CCDC178: variants seen among roughly 807,000 people sequenced by gnomAD.
CCDC178 encodes the protein coiled-coil domain-containing protein 178.
CCDC178 carries 126 observed loss-of-function variants against 117.4 expected under a neutral mutation model. The observed-to-expected ratio is 1.07, with a 90% CI of 0.93 to 1.24. The LOEUF (loss-of-function observed/expected upper bound fraction) is 1.24. Among genes scored for constraint, CCDC178 ranks in the 50% most tolerant of loss-of-function variants. CCDC178 has a pLI of 0.00. For missense variants in CCDC178, 1,030 were observed against 986.9 expected (o/e 1.04, Z -0.59); for synonymous variants, 283 against 313.4 (o/e 0.90, Z 1.02).
intron 21 of CCDC178, among the ~76,000 whole-genome samples, chr18:32,993,060 C>A (rs548743305): frequency 6.6e-6 from 1 of 151,958 alleles, no homozygotes; most frequent in South Asian, 2.1e-4. Flanking sequence ...CAGCTACTCT[C>A]GAGGCTGAGT....
intron 3 of CCDC178, among the ~76,000 whole-genome samples, chr18:33,397,674 G>T (rs189016163): frequency 1.3e-5 from 2 of 152,042 alleles, no homozygotes; most frequent in Non-Finnish European, 2.9e-5. Context: ...ATTTACGCAC[G>T]TCATAACTGC....
intron 7 of CCDC178, among the ~76,000 whole-genome samples, chr18:33,353,332 G>T (rs1352934720): frequency 1.3e-5 from 2 of 152,008 alleles, no homozygotes; most frequent in Non-Finnish European, 1.5e-5. Context: ...AGAATAGTTG[G>T]ATTATCTATT....
At chr18:33,037,360 A>C (rs2056464096) in intron 21 of CCDC178, among the ~76,000 whole-genome samples, 1 of 151,890 alleles carries the variant, frequency 6.6e-6, no homozygotes, top group African/African-American at 2.4e-5. Context: ...TTTTCCAGGA[A>C]TTTTCTCCAC....
chr18:32,978,203 A>ATTTTTTTTTTTTTTTTTTTTTTT lies in CCDC178; in HGVS notation c.2389-3545_2389-3523dup, dbSNP rs34863142. On this transcript the variant is annotated intron_variant, in intron 21 of 22. Coordinates refer to ENST00000383096, the MANE Select transcript of CCDC178 (RefSeq NM_001105528.4). The stretch of plus-strand genomic sequence containing the variant: ...AAGAAAGAGTAATATCTCAAAAAAG[A>ATTTTTTTTTTTTTTTTTTTTTTT]TTTTTTTTTTTTTTTTTTTTTTTTG... Among the ~76,000 whole-genome samples, 3 of 90,022 alleles carry ATTTTTTTTTTTTTTTTTTTTTTT rather than the reference A, an allele frequency of 3.3e-5. 1 individual carries two copies. The highest frequency in any genetic ancestry group is 6.1e-5 in the Non-Finnish European group (3 of 48,942). 59.1% of individuals were successfully genotyped at this position (90,022 alleles called of 152,430 possible).
intron 7 of CCDC178, among the ~76,000 whole-genome samples, chr18:33,352,579 T>G (rs1172460485): frequency 1.3e-5 from 2 of 152,092 alleles, no homozygotes; most frequent in Admixed American, 1.3e-4. Flanking sequence ...GGACTACTTT[T>G]GCTGCATTTC....
chr18:32,945,400 C>T (rs117141189), intron 22 of CCDC178, among the ~76,000 whole-genome samples: 20 of 152,256 alleles, frequency 1.3e-4, no homozygotes, highest in Non-Finnish European at 2.2e-4. Flanking sequence ...TGAAGTTTGA[C>T]TAGGAAAAGA....
chr18:33,091,002 G>A (rs191463085), intron 21 of CCDC178, among the ~76,000 whole-genome samples: 44 of 152,144 alleles, frequency 2.9e-4, no homozygotes, highest in African/African-American at 9.9e-4. Flanking sequence ...TGCATGTATC[G>A]AATGTATTTG....
intron 11 of CCDC178, among the ~76,000 whole-genome samples, chr18:33,300,669 T>G (rs2062165340): frequency 6.6e-6 from 1 of 152,208 alleles, no homozygotes; most frequent in Non-Finnish European, 1.5e-5. Context: ...GTTCGTGTCC[T>G]AGGGATCTGT....
chr18:33,187,734 A>C (rs2058814045), intron 20 of CCDC178, among the ~76,000 whole-genome samples: 1 of 152,170 alleles, frequency 6.6e-6, no homozygotes, highest in South Asian at 2.1e-4. Flanking sequence ...TTCTGCATTC[A>C]AAGTATTTTC....
chr18:33,180,158 G>T (rs945571506), intron 20 of CCDC178, among the ~76,000 whole-genome samples: 13 of 151,806 alleles, frequency 8.6e-5, no homozygotes, highest in Admixed American at 8.6e-4. Context: ...TTTGAAAATT[G>T]GCAAAATCTT....
At chr18:32,948,851 C>T (rs908535026) in intron 22 of CCDC178, among the ~76,000 whole-genome samples, 15 of 151,996 alleles carry the variant, frequency 9.9e-5, no homozygotes, top group Non-Finnish European at 1.6e-4. Context: ...GCCAATCATT[C>T]GCTTCAGGAG....
At chr18:32,966,067 T>G (rs910297330) in intron 22 of CCDC178, among the ~76,000 whole-genome samples, 1 of 151,446 alleles carries the variant, frequency 6.6e-6, no homozygotes, top group Non-Finnish European at 1.5e-5. Context: ...CAACATTTTA[T>G]ATTTTAAAAA....
At chr18:33,026,202 GAAAC>G (rs2056225769) in intron 21 of CCDC178, among the ~76,000 whole-genome samples, 2 of 152,092 alleles carry the variant, frequency 1.3e-5, no homozygotes, top group Non-Finnish European at 2.9e-5. Flanking sequence ...GCCAGGTAAA[GAAAC>G]AGGTGGTTGA....
chr18:33,347,966 T>A (rs2062919842), intron 8 of CCDC178, among the ~76,000 whole-genome samples: 2 of 152,044 alleles, frequency 1.3e-5, no homozygotes, highest in Non-Finnish European at 2.9e-5. Flanking sequence ...ATCTTCCTCA[T>A]CCTGCTATTG....
chr18:32,941,262 C>T (rs2144587143), intron 22 of CCDC178, among the ~76,000 whole-genome samples: 1 of 152,128 alleles, frequency 6.6e-6, no homozygotes, highest in African/African-American at 2.4e-5. Context: ...ATTTCAATTA[C>T]TAGCTAATTT....
rs975484235 is a variant in CCDC178, at chr18:33,385,922, AT to A, written c.208+3617del. 9.9e-5 allele frequency among the ~76,000 whole-genome samples: 15 copies of A among 152,184 alleles called. No individual in the cohort carries two copies. The South Asian group carries it at 1.9e-3, about 19-fold the overall frequency. On this transcript the variant is annotated intron_variant, in intron 5 of 22. Coordinates refer to ENST00000383096, the MANE Select transcript of CCDC178 (RefSeq NM_001105528.4). ...AAAAACATGAACGAATCCAGGAGCT[AT>A]TTTTTTAAAAGAATCAATAAAATAG... is the stretch of plus-strand genomic sequence containing the variant.
chr18:33,154,452 A>AAGGCCC (rs1481873184), intron 20 of CCDC178, among the ~76,000 whole-genome samples: 100 of 152,306 alleles, frequency 6.6e-4, no homozygotes, highest in African/African-American at 2.1e-3. Flanking sequence ...AGCTGTTATA[A>AAGGCCC]ATACAGTCAA....
At chr18:33,290,873 T>C (rs1224184930) in intron 12 of CCDC178, among the ~76,000 whole-genome samples, 1 of 152,096 alleles carries the variant, frequency 6.6e-6, no homozygotes, top group Non-Finnish European at 1.5e-5. Flanking sequence ...GTAAATTGTA[T>C]TGTAACAACT....
At chr18:33,382,504 G>A (rs1173323894) in intron 5 of CCDC178, among the ~76,000 whole-genome samples, 1 of 152,142 alleles carries the variant, frequency 6.6e-6, no homozygotes, top group Non-Finnish European at 1.5e-5. Flanking sequence ...ATCTCATCGT[G>A]ACTGACTAGG....
Sources: gnomAD v4.1 joint callset for allele counts (sites outside exome capture counted in the v4.1 genomes callset) on GRCh38, gnomAD v4.1.1 for gene constraint, MANE v1.5 for transcripts, NCBI Gene and HGNC (gene_info 2026-07-23, HGNC 2026-07-21) for gene names.